Variants in HSPA4L observed in about 807,000 individuals in gnomAD.
HSPA4L encodes the protein heat shock protein family A (Hsp70) member 4 like, also known as heat shock 70 kDa protein 4L.
In HSPA4L, 48 loss-of-function variants were observed where a neutral mutation model predicts 100.3. The observed-to-expected ratio is 0.48, with a 90% CI of 0.38 to 0.61. The LOEUF is 0.61. Among genes scored for constraint, HSPA4L ranks in the 20% least tolerant of loss-of-function variants. HSPA4L has a pLI of 0.00. For missense variants in HSPA4L, 886 were observed against 988.6 expected, an observed-to-expected ratio of 0.90 and a Z score of 1.39; for synonymous variants, 319 against 328.2, an observed-to-expected ratio of 0.97 and a Z score of 0.30.
intron 12 of HSPA4L, chr4:127,812,636 G>A: frequency 1.5e-6 from 1 of 659,690 alleles, no homozygotes; most frequent in East Asian, 2.7e-5. Context: ...GTCTGCCCTA[G>A]ATTTTTTGTT....
At chr4:127,783,746 A>G (rs1732635277) in intron 1 of HSPA4L, 3 of 1,384,492 alleles carry the variant, frequency 2.2e-6, no homozygotes, top group South Asian at 2.5e-5. Flanking sequence ...CTATACTAAA[A>G]CAAGGTCAGT....
At position 127,836,432 on chromosome 4, in the gene HSPA4L, G is replaced by T; in HGVS notation, c.*3558G>T. The T allele has an allele frequency of 6.6e-6, 1 of 151,256 alleles. No individual in the cohort carries two copies. Among genetic ancestry groups the T allele is most frequent in the Non-Finnish European group, 1.5e-5 (1 of 68,470 alleles). The allele number at this position is 151,256 out of a possible 1,614,324, so 9.4% of individuals were successfully genotyped here. A position where few individuals can be genotyped will look rare whatever the true frequency, so the allele number is the denominator to read the frequency against. ...ATTTACTAAGAAGAGCTAAAGGAAAGAATTAAAGGTTTCTTATGCTTTTTT... is the reference window on the plus strand; with the variant it reads ...ATTTACTAAGAAGAGCTAAAGGAAATAATTAAAGGTTTCTTATGCTTTTTT... On this transcript the variant is annotated 3_prime_UTR_variant, in exon 19 of 19. Coordinates refer to ENST00000296464, the MANE Select transcript of HSPA4L (RefSeq NM_014278.4).
At chr4:127,823,473 T>C (rs529199227) in intron 15 of HSPA4L, 44 bp from the exon 16 acceptor site, 2 of 1,369,994 alleles carry the variant, frequency 1.5e-6, no homozygotes, top group Admixed American at 1.7e-5. Flanking sequence ...CTTTTATTTC[T>C]AAGGAAAGTA....
intron 10 of HSPA4L, 116 bp from the exon 11 acceptor site, chr4:127,807,880 T>C: frequency 2.0e-6 from 2 of 982,352 alleles, no homozygotes; most frequent in Non-Finnish European, 3.0e-6. Context: ...TTCTTTTTAT[T>C]TGTGCAGAGA....
At chr4:127,821,267 G>T (rs1325929895) in intron 14 of HSPA4L, among the ~76,000 whole-genome samples, 1 of 152,090 alleles carries the variant, frequency 6.6e-6, no homozygotes, top group East Asian at 1.9e-4. Flanking sequence ...TGAATAATTT[G>T]GAATTTGTGT....
At position 127,805,684 on chromosome 4, in the gene HSPA4L, C is replaced by T. The variant is rs1376432352; in HGVS notation, c.1138-3C>T. On this transcript the variant is annotated splice_region_variant and splice_polypyrimidine_tract_variant and intron_variant, in intron 9 of 18. Transcript: ENST00000296464. ...TTAAATATGGTATACATCTTATTTT[C>T]AGTGTGCGATTCTCTCACCAGCATT... 2 of 1,602,596 alleles carry T rather than the reference C, an allele frequency of 1.2e-6. No individual in the cohort carries two copies. The highest frequency in any genetic ancestry group is 2.2e-5 in the East Asian group (1 of 44,700).
At chr4:127,787,322 T>C (rs1191815860) in intron 1 of HSPA4L, among the ~76,000 whole-genome samples, 2 of 152,224 alleles carry the variant, frequency 1.3e-5, no homozygotes, top group Non-Finnish European at 2.9e-5. Context: ...AAGAGGCTTT[T>C]ACCTTTTTTT....
intron 9 of HSPA4L, 53 bp from the exon 10 acceptor site, chr4:127,805,634 T>C: frequency 7.6e-7 from 1 of 1,319,408 alleles, no homozygotes; most frequent in Non-Finnish European, 1.1e-6. Context: ...CAGAGTAACC[T>C]AGGGTATGTT....
chr4:127,803,505 G>A, intron 6 of HSPA4L, 124 bp from the exon 7 acceptor site: 1 of 887,964 alleles, frequency 1.1e-6, no homozygotes, highest in Non-Finnish European at 1.6e-6. Flanking sequence ...CAGCACCCCT[G>A]TGATTGGACA....
In HSPA4L at chr4:127,833,616, A is replaced by G. The variant is rs1734140880; in HGVS notation, c.*742A>G. The G allele has an allele frequency of 6.6e-6, 1 of 152,218 alleles. No homozygotes were observed. The allele number at this position is 152,218 out of a possible 1,614,324, so 9.4% of individuals were successfully genotyped here. On this transcript the variant is annotated 3_prime_UTR_variant, in exon 19 of 19. Transcript: ENST00000296464. ...GCTAAAACAATGCTAGCCTAAAGAT[A>G]CAGGAGTCTCTGACAAAATGACTTT... is the stretch of plus-strand genomic sequence containing the variant.
rs1001179153 is a variant in HSPA4L, at chr4:127,827,554, A to T, written c.2166+130A>T. On this transcript the variant is annotated intron_variant, in intron 17 of 18. Coordinates refer to ENST00000296464, the MANE Select transcript of HSPA4L (RefSeq NM_014278.4). ...TCAAATTCCAGAGACTTTGTGTACCAAACTTAAAACTTTTTTTTTTATTGG... is the reference window on the plus strand; with the variant it reads ...TCAAATTCCAGAGACTTTGTGTACCTAACTTAAAACTTTTTTTTTTATTGG... 20 of 1,001,170 alleles carry T rather than the reference A, an allele frequency of 2.0e-5. No homozygotes were observed. In the East Asian group the frequency reaches 4.8e-4, roughly 24 times the overall value. The allele number at this position is 1,001,170 out of a possible 1,614,324, so 62.0% of individuals were successfully genotyped here. A position where few individuals can be genotyped will look rare whatever the true frequency, so the allele number is the denominator to read the frequency against.
intron 1 of HSPA4L, among the ~76,000 whole-genome samples, chr4:127,787,022 TTTTG>T (rs1732737383): frequency 6.6e-6 from 1 of 152,224 alleles, no homozygotes; most frequent in Non-Finnish European, 1.5e-5. Flanking sequence ...GTGTCAAGAT[TTTTG>T]TTAGGAATAT....
At chr4:127,799,169 A>T (rs1001298968) in intron 4 of HSPA4L, among the ~76,000 whole-genome samples, 1 of 152,160 alleles carries the variant, frequency 6.6e-6, no homozygotes, top group Non-Finnish European at 1.5e-5. Context: ...CTTTACCTAC[A>T]TGTTAACTAA....
chr4:127,822,688 G>A (rs1733843225), intron 14 of HSPA4L, 81 bp from the exon 15 acceptor site: 1 of 1,323,352 alleles, frequency 7.6e-7, no homozygotes, highest in African/African-American at 1.5e-5. Flanking sequence ...CCTAGTGAGT[G>A]TGAAGTGGTA....
Position 127,794,120 on chromosome 4 carries a change from G to A in HSPA4L, c.151G>A (p.Ala51Thr). The change falls in exon 2 of 19, where the codon GCA (alanine) becomes ACA (threonine). Residue 51 changes from alanine (A) to threonine (T), a missense_variant. Ala to Thr is a moderately conservative substitution (Grantham distance 58). Transcript: ENST00000296464. ...LGSRTRAIGN[A>T]AKSQIVTNVR... The stretch of plus-strand genomic sequence containing the variant: ...ATCAAGAACTCGAGCCATTGGAAAT[G>A]CAGCAAAGAGCCAGGTAAATTGTTA... 2.5e-6 allele frequency: 4 copies of A among 1,610,872 alleles called. No homozygotes were observed. Among genetic ancestry groups the A allele is most frequent in the Non-Finnish European group, 3.4e-6 (4 of 1,177,912 alleles).
chr4:127,828,884 C>A (rs1010941116), intron 17 of HSPA4L, among the ~76,000 whole-genome samples: 2 of 152,118 alleles, frequency 1.3e-5, no homozygotes, highest in Admixed American at 1.3e-4. Flanking sequence ...TTATCCCACA[C>A]AAGGCAAGAC....
At chr4:127,807,290 A>G (rs1224393167) in intron 10 of HSPA4L, among the ~76,000 whole-genome samples, 1 of 151,908 alleles carries the variant, frequency 6.6e-6, no homozygotes. Flanking sequence ...AGGAATTGCT[A>G]TGTAGGTTTT....
At chr4:127,807,465 T>G (rs1317271610) in intron 10 of HSPA4L, among the ~76,000 whole-genome samples, 1 of 151,998 alleles carries the variant, frequency 6.6e-6, no homozygotes, top group African/African-American at 2.4e-5. Context: ...TAACCCTCGG[T>G]TGGTTCAGGA....
chr4:127,810,458 A>G (rs1164643623), intron 11 of HSPA4L, among the ~76,000 whole-genome samples: 1 of 152,184 alleles, frequency 6.6e-6, no homozygotes, highest in Non-Finnish European at 1.5e-5. Flanking sequence ...AAGTCAAGGT[A>G]TCTCCAAATA....
Sources: gnomAD v4.1 joint callset for allele counts (sites outside exome capture counted in the v4.1 genomes callset) on GRCh38, gnomAD v4.1.1 for gene constraint, MANE v1.5 for transcripts, NCBI Gene and HGNC (gene_info 2026-07-23, HGNC 2026-07-21) for gene names.